Variants in IMMP2L observed in about 807,000 individuals in gnomAD.
IMMP2L encodes the protein mitochondrial inner membrane protease subunit 2.
Under a neutral mutation model 19.3 loss-of-function variants are expected in IMMP2L, and 18 were observed. The ratio of observed to expected loss-of-function variants is 0.93; its 90% confidence interval spans 0.64 to 1.38. The LOEUF is 1.38. IMMP2L is among the 40% of genes most tolerant of loss of function. The pLI, the probability that IMMP2L is intolerant of heterozygous loss-of-function variation, is 0.00. For synonymous variants in IMMP2L, 76 were observed against 73.0 expected (o/e 1.04, Z -0.21); for missense variants, 233 against 218.2 (o/e 1.07, Z -0.43).
intron 3 of IMMP2L, among the ~76,000 whole-genome samples, chr7:111,380,882 A>G (rs1338342020): frequency 6.6e-6 from 1 of 151,230 alleles, no homozygotes; most frequent in Non-Finnish European, 1.5e-5. Flanking sequence ...TCTCCACAAA[A>G]AAGTAACAGA....
At chr7:111,101,268 G>C (rs573939107) in intron 3 of IMMP2L, among the ~76,000 whole-genome samples, 1 of 151,432 alleles carries the variant, frequency 6.6e-6, no homozygotes, top group South Asian at 2.1e-4. Context: ...TTTAATCAAT[G>C]ACCATGATAT....
intron 3 of IMMP2L, among the ~76,000 whole-genome samples, chr7:111,427,766 T>C (rs1273483213): frequency 6.6e-6 from 1 of 151,822 alleles, no homozygotes; most frequent in African/African-American, 2.4e-5. Flanking sequence ...TTTACGACAG[T>C]ATTAAATTAT....
In IMMP2L at chr7:110,842,175, A is replaced by AT. The variant is rs576183447; in HGVS notation, c.408+44417dup. Reference sequence around the variant, plus strand: ...CCAAAAATTTCCTAACTATTTGGGGATTTTTTTTCCTCTCCACTTTTGAAT... The same window carrying AT: ...CCAAAAATTTCCTAACTATTTGGGGATTTTTTTTTCCTCTCCACTTTTGAAT... On this transcript the variant is annotated intron_variant, in intron 5 of 5. Transcript: ENST00000405709. 9.2e-5 allele frequency among the ~76,000 whole-genome samples: 14 copies of AT among 152,208 alleles called. No homozygotes were observed. In the South Asian group the frequency reaches 1.0e-3, roughly 11 times the overall value.
chr7:111,354,243 T>C (rs1223129862), intron 3 of IMMP2L, among the ~76,000 whole-genome samples: 1 of 151,994 alleles, frequency 6.6e-6, no homozygotes, highest in Non-Finnish European at 1.5e-5. Context: ...AATCCAGGAA[T>C]GTAAGACAGG....
Position 111,443,529 on chromosome 7 carries a change from G to T in IMMP2L, c.239+43709C>A, listed in dbSNP as rs866040972. Among the ~76,000 whole-genome samples the T allele has an allele frequency of 6.6e-5, 10 of 152,110 alleles. 1 individual carries two copies. The highest frequency in any genetic ancestry group is 2.4e-4 in the African/African-American group (10 of 41,430). ...CACAAAGAGCTCAAACATTTATCAA[G>T]TCTCCTCTGAAGAGTTCTAAATATG... On this transcript the variant is annotated intron_variant, in intron 3 of 5. Transcript: ENST00000405709.
chr7:111,012,202 CA>C (rs1825039738), intron 3 of IMMP2L, among the ~76,000 whole-genome samples: 1 of 152,090 alleles, frequency 6.6e-6, no homozygotes, highest in Non-Finnish European at 1.5e-5. Flanking sequence ...GGCTAATTTT[CA>C]TATGCACCAT....
intron 5 of IMMP2L, among the ~76,000 whole-genome samples, chr7:110,832,962 C>T (rs1804103548): frequency 6.6e-6 from 1 of 152,168 alleles, no homozygotes; most frequent in South Asian, 2.1e-4. Flanking sequence ...ACATGTTTTC[C>T]TCTGGGAACT....
intron 3 of IMMP2L, among the ~76,000 whole-genome samples, chr7:111,422,943 G>T (rs1158748806): frequency 6.6e-6 from 1 of 151,738 alleles, no homozygotes; most frequent in Non-Finnish European, 1.5e-5. Context: ...GTTGAATTTT[G>T]TCAAAGGCCT....
At chr7:111,272,810 AAGAT>A (rs1424813163) in intron 3 of IMMP2L, among the ~76,000 whole-genome samples, 3 of 152,146 alleles carry the variant, frequency 2.0e-5, no homozygotes, top group Non-Finnish European at 4.4e-5. Flanking sequence ...AATTGGCAGA[AAGAT>A]AGAGATTTCA....
At chr7:110,705,126 G>A (rs1794562604) in intron 5 of IMMP2L, among the ~76,000 whole-genome samples, 1 of 152,092 alleles carries the variant, frequency 6.6e-6, no homozygotes, top group South Asian at 2.1e-4. Context: ...ATTAGTGATG[G>A]AGGAATTTAC....
At chr7:111,518,041 A>G (rs1045877919) in intron 2 of IMMP2L, among the ~76,000 whole-genome samples, 4 of 152,166 alleles carry the variant, frequency 2.6e-5, no homozygotes, top group Middle Eastern at 3.4e-3. Flanking sequence ...TAGAAACTTT[A>G]TTTTTTATTT....
chr7:111,397,386 G>A (rs1446018366), intron 3 of IMMP2L, among the ~76,000 whole-genome samples: 1 of 152,072 alleles, frequency 6.6e-6, no homozygotes, highest in African/African-American at 2.4e-5. Flanking sequence ...CTATTGGACA[G>A]TTACTACCAT....
At chr7:110,687,836 A>T (rs1223360319) in intron 5 of IMMP2L, among the ~76,000 whole-genome samples, 1 of 151,820 alleles carries the variant, frequency 6.6e-6, no homozygotes, top group East Asian at 2.0e-4. Flanking sequence ...CCACCCACTC[A>T]TCTCAAGAGG....
intron 4 of IMMP2L, among the ~76,000 whole-genome samples, chr7:110,909,889 G>GGA (rs71778763): frequency 8.4e-4 from 124 of 148,458 alleles, no homozygotes; most frequent in African/African-American, 2.7e-3. Context: ...GTTAAACAGA[G>GGA]GAGAGAGAGA....
intron 3 of IMMP2L, among the ~76,000 whole-genome samples, chr7:111,058,309 T>C (rs897400336): frequency 6.6e-6 from 1 of 152,192 alleles, no homozygotes; most frequent in Non-Finnish European, 1.5e-5. Context: ...ACCAAGACTG[T>C]ACTGTTATTA....
intron 5 of IMMP2L, among the ~76,000 whole-genome samples, chr7:110,826,390 AT>A (rs1253505454): frequency 1.4e-4 from 21 of 152,218 alleles, no homozygotes; most frequent in African/African-American, 4.8e-4. Context: ...ATGCACACAT[AT>A]GTTTGTTGTG....
At chr7:111,319,839 TA>T (rs2130467231) in intron 3 of IMMP2L, among the ~76,000 whole-genome samples, 1 of 152,100 alleles carries the variant, frequency 6.6e-6, no homozygotes, top group South Asian at 2.1e-4. Context: ...CAAGGCCTCC[TA>T]GGGGATAACT....
At position 111,446,226 on chromosome 7, in the gene IMMP2L, G is replaced by A. The variant is rs1384411135; in HGVS notation, c.239+41012C>T. Among the ~76,000 whole-genome samples, 24 of 152,282 alleles carry A rather than the reference G, an allele frequency of 1.6e-4. No homozygotes were observed. In the East Asian group the frequency reaches 4.4e-3, roughly 28 times the overall value. On this transcript the variant is annotated intron_variant, in intron 3 of 5. Transcript: ENST00000405709. The stretch of plus-strand genomic sequence containing the variant: ...CGCCACAGCTCAAGGAGGCCTGCCT[G>A]CCTCTGTAGGCTCCACCTCTGGGGG...
intron 3 of IMMP2L, among the ~76,000 whole-genome samples, chr7:111,452,150 T>G (rs1010773072): frequency 2.0e-5 from 3 of 152,160 alleles, no homozygotes; most frequent in African/African-American, 7.2e-5. Context: ...TAGTCTAATT[T>G]TGAGCCTTAC....
Sources: allele counts gnomAD v4.1 joint callset (sites outside exome capture counted in the v4.1 genomes callset), GRCh38; gene constraint gnomAD v4.1.1; transcripts MANE v1.5; gene names NCBI Gene and HGNC (gene_info 2026-07-23, HGNC 2026-07-21).